The following PELI2 variants were observed in gnomAD, a reference collection of about 807,000 sequenced individuals.
PELI2 encodes E3 ubiquitin-protein ligase pellino homolog 2.
A neutral mutation model predicts 42.3 loss-of-function variants in PELI2; 23 were observed. That is an observed-to-expected ratio of 0.54 (90% CI 0.39 to 0.77). PELI2 has a LOEUF of 0.77. Ranked by LOEUF, PELI2 falls within the 30% of genes least tolerant of loss-of-function variation. The probability of loss-of-function intolerance (pLI) is 0.00; values close to 1 mark genes in which losing one functional copy is unlikely to be tolerated. For missense variants in PELI2, 463 were observed against 553.2 expected (o/e 0.84, Z 1.64); for synonymous variants, 245 against 212.2 (o/e 1.15, Z -1.34).
chr14:56,254,435 C>T (rs915708016), intron 2 of PELI2, among the ~76,000 whole-genome samples: 4 of 150,950 alleles, frequency 2.6e-5, no homozygotes, highest in African/African-American at 9.7e-5. Flanking sequence ...ACTGGCTAGC[C>T]CTATGCAGAA....
At chr14:56,272,140 A>T (rs1476766687) in intron 2 of PELI2, among the ~76,000 whole-genome samples, 2 of 152,204 alleles carry the variant, frequency 1.3e-5, no homozygotes, top group Non-Finnish European at 2.9e-5. Context: ...TTTCAAAAAC[A>T]TTCATTTGAT....
At chr14:56,216,439 T>G (rs1886907810) in intron 2 of PELI2, among the ~76,000 whole-genome samples, 1 of 152,270 alleles carries the variant, frequency 6.6e-6, no homozygotes, top group African/African-American at 2.4e-5. Context: ...GTTGGATACT[T>G]GAGCAGCACT....
At chr14:56,201,431 A>G (rs1284847586) in intron 2 of PELI2, among the ~76,000 whole-genome samples, 1 of 152,220 alleles carries the variant, frequency 6.6e-6, no homozygotes, top group East Asian at 1.9e-4. Context: ...TTATCCAGGA[A>G]GGAGCTGGGG....
At chr14:56,206,019 A>G (rs1886507870) in intron 2 of PELI2, among the ~76,000 whole-genome samples, 1 of 152,208 alleles carries the variant, frequency 6.6e-6, no homozygotes, top group Non-Finnish European at 1.5e-5. Context: ...AATAGCAGTT[A>G]GCTTTCAAAC....
In PELI2 at chr14:56,224,832, T is replaced by G. The variant is rs1174955304; in HGVS notation, c.207+46368T>G. Among the ~76,000 whole-genome samples, 4 of 141,888 alleles carry G rather than the reference T, an allele frequency of 2.8e-5. No homozygotes were observed. The East Asian group carries it at 6.1e-4, about 22-fold the overall frequency. The allele number at this position is 141,888 out of a possible 152,430, so 93.1% of individuals were successfully genotyped here. A position where few individuals can be genotyped will look rare whatever the true frequency, so the allele number is the denominator to read the frequency against. ...GTCAACACGTGAAGTATAGTTGAAT[T>G]AAAATGCAAAAACCTGGCCCCCATA... On this transcript the variant is annotated intron_variant, in intron 2 of 5. Coordinates refer to ENST00000267460, the MANE Select transcript of PELI2 (RefSeq NM_021255.3).
intron 1 of PELI2, among the ~76,000 whole-genome samples, chr14:56,123,458 CTGTT>C (rs1355985125): frequency 6.6e-6 from 1 of 152,088 alleles, no homozygotes; most frequent in Non-Finnish European, 1.5e-5. Flanking sequence ...GAGCTCAGAT[CTGTT>C]TGTGTGGATG....
chr14:56,277,300 C>T (rs144584225), intron 2 of PELI2, among the ~76,000 whole-genome samples: 2,277 of 152,068 alleles, frequency 0.015, 63 homozygotes, highest in African/African-American at 0.052. Flanking sequence ...GTCAGATCAG[C>T]GGTGGCATTA....
chr14:56,247,449 TGA>T (rs1300456353), intron 2 of PELI2, among the ~76,000 whole-genome samples: 1 of 152,220 alleles, frequency 6.6e-6, no homozygotes, highest in Non-Finnish European at 1.5e-5. Context: ...TCTTTATTCA[TGA>T]GAGTTGATTG....
intron 1 of PELI2, among the ~76,000 whole-genome samples, chr14:56,173,113 T>C (rs548562501): frequency 2.0e-5 from 3 of 152,264 alleles, no homozygotes; most frequent in Non-Finnish European, 4.4e-5. Flanking sequence ...CAGACCTAAC[T>C]TCAGTTGCCT....
At chr14:56,182,963 C>T (rs1179488408) in intron 2 of PELI2, among the ~76,000 whole-genome samples, 1 of 152,048 alleles carries the variant, frequency 6.6e-6, no homozygotes. Context: ...GCTGGGGCCT[C>T]GGTGCTTCGG....
chr14:56,171,814 G>A (rs558614592), intron 1 of PELI2, among the ~76,000 whole-genome samples: 1 of 152,116 alleles, frequency 6.6e-6, no homozygotes, highest in Non-Finnish European at 1.5e-5. Context: ...TCAGGAGTTC[G>A]AAACCAGCCT....
chr14:56,183,721 A>T (rs887719011), intron 2 of PELI2, among the ~76,000 whole-genome samples: 9 of 152,182 alleles, frequency 5.9e-5, no homozygotes, highest in African/African-American at 2.2e-4. Flanking sequence ...AATATTCAAG[A>T]CTTCAAAGAC....
At chr14:56,223,112 ACCTCTACAG>A (rs1460345652) in intron 2 of PELI2, among the ~76,000 whole-genome samples, 1 of 151,970 alleles carries the variant, frequency 6.6e-6, no homozygotes, top group African/African-American at 2.4e-5. Flanking sequence ...GCCTCCGTCC[ACCTCTACAG>A]CCTGTGGCCA....
chr14:56,275,527 C>T (rs1889260568), intron 2 of PELI2, among the ~76,000 whole-genome samples: 1 of 152,190 alleles, frequency 6.6e-6, no homozygotes, highest in African/African-American at 2.4e-5. Flanking sequence ...AACAGATCAT[C>T]AGGCATTAGA....
intron 2 of PELI2, among the ~76,000 whole-genome samples, chr14:56,184,126 C>G (rs965172905): frequency 1.3e-5 from 2 of 151,652 alleles, no homozygotes; most frequent in Non-Finnish European, 2.9e-5. Flanking sequence ...AACGGTCAGC[C>G]GAAGATGGGA....
chr14:56,189,131 C>G lies in PELI2; in HGVS notation c.207+10667C>G, dbSNP rs188072536. On this transcript the variant is annotated intron_variant, in intron 2 of 5. Coordinates refer to ENST00000267460, the MANE Select transcript of PELI2 (RefSeq NM_021255.3). ...TCAAGATCTCGCCACTGCACTCCAG[C>G]CTGGGTGACAGAACGAAACTCTGTC... Among the ~76,000 whole-genome samples, 81 of 152,108 alleles carry G rather than the reference C, an allele frequency of 5.3e-4. No individual in the cohort carries two copies. In the Middle Eastern group the frequency reaches 0.01, roughly 19 times the overall value.
intron 2 of PELI2, among the ~76,000 whole-genome samples, chr14:56,204,224 C>G (rs1886436973): frequency 6.6e-6 from 1 of 152,194 alleles, no homozygotes; most frequent in African/African-American, 2.4e-5. Flanking sequence ...ACTTGGAGAT[C>G]AGTTAGAAGC....
intron 2 of PELI2, among the ~76,000 whole-genome samples, chr14:56,216,273 A>G (rs1886902946): frequency 6.6e-6 from 1 of 152,164 alleles, no homozygotes; most frequent in African/African-American, 2.4e-5. Flanking sequence ...GTGTGATTGT[A>G]GTGTTATTTG....
At chr14:56,276,793 C>T in intron 2 of PELI2, among the ~76,000 whole-genome samples, 1 of 152,176 alleles carries the variant, frequency 6.6e-6, no homozygotes, top group East Asian at 1.9e-4. Context: ...AAGCATTCCC[C>T]TTTCCTAACC....
Sources: gnomAD v4.1 joint callset for allele counts (sites outside exome capture counted in the v4.1 genomes callset) on GRCh38, gnomAD v4.1.1 for gene constraint, MANE v1.5 for transcripts, NCBI Gene and HGNC (gene_info 2026-07-23, HGNC 2026-07-21) for gene names.